FAM81A: variants seen among roughly 807,000 people sequenced by gnomAD.
FAM81A encodes the protein family with sequence similarity 81 member A.
FAM81A carries 19 observed loss-of-function variants against 46.7 expected under a neutral mutation model. The ratio of observed to expected loss-of-function variants is 0.41; its 90% CI spans 0.28 to 0.60. The LOEUF (loss-of-function observed/expected upper bound fraction) is 0.60, where lower values mean the gene tolerates loss of function less well. Ranked by LOEUF, FAM81A falls within the 20% of genes least tolerant of loss-of-function variation. FAM81A has a pLI of 0.34. For missense variants in FAM81A, 377 were observed against 453.5 expected (o/e 0.83, Z 1.53); for synonymous variants, 183 against 152.9 (o/e 1.20, Z -1.45).
chr15:59,418,869 A>G (rs1264029674), intron 2 of FAM81A, among the ~76,000 whole-genome samples: 2 of 152,192 alleles, frequency 1.3e-5, no homozygotes, highest in African/African-American at 4.8e-5. Flanking sequence ...TAGCAAGGGC[A>G]TGTGTGCAGA....
chr15:59,492,159 CT>C (rs2081988197), intron 3 of FAM81A, 111 bp from the exon 4 acceptor site: 1 of 733,238 alleles, frequency 1.4e-6, no homozygotes, highest in African/African-American at 1.8e-5. Context: ...GAAAAGGAGT[CT>C]CTTATGAAAG....
Position 59,446,136 on chromosome 15 carries a change from C to G in FAM81A, c.-78+7854C>G, listed in dbSNP as rs189638983. ...CGTGAAGAGGCGTCGTGTTAGGCTTCGTGGAGATTACAGGTTCATGTAGGA... is the reference window on the plus strand; with the variant it reads ...CGTGAAGAGGCGTCGTGTTAGGCTTGGTGGAGATTACAGGTTCATGTAGGA... On this transcript the variant is annotated intron_variant, in intron 1 of 8. Coordinates refer to ENST00000288228, the MANE Select transcript of FAM81A (RefSeq NM_152450.3). 2.6e-5 allele frequency among the ~76,000 whole-genome samples: 4 copies of G among 151,944 alleles called. No individual in the cohort carries two copies. In the East Asian group the frequency reaches 7.8e-4, roughly 30 times the overall value.
chr15:59,413,957 C>A (rs1049999094), intron 2 of FAM81A, among the ~76,000 whole-genome samples: 3 of 151,978 alleles, frequency 2.0e-5, no homozygotes, highest in Admixed American at 6.6e-5. Context: ...CATTCTAATT[C>A]TTTTTCTTTT....
intron 3 of FAM81A, among the ~76,000 whole-genome samples, chr15:59,487,690 C>G (rs2081934741): frequency 6.6e-6 from 1 of 152,030 alleles, no homozygotes. Context: ...ATACAACCTA[C>G]CACAATTGAA....
Position 59,448,432 on chromosome 15 carries a change from C to A in FAM81A, c.-77-10118C>A, listed in dbSNP as rs1315470322. On this transcript the variant is annotated intron_variant, in intron 1 of 8. Coordinates refer to ENST00000288228, the MANE Select transcript of FAM81A (RefSeq NM_152450.3). The stretch of plus-strand genomic sequence containing the variant: ...TCATGAGTCAAAATGTTTGCACCAT[C>A]TAAACTGTGGTGCCTTGGAGCAAAG... Among the ~76,000 whole-genome samples the A allele has an allele frequency of 2.6e-5, 4 of 152,252 alleles. No individual in the cohort carries two copies. In the South Asian group the frequency reaches 8.3e-4, roughly 32 times the overall value.
At chr15:59,477,136 A>C (rs978541875) in intron 3 of FAM81A, among the ~76,000 whole-genome samples, 2 of 152,000 alleles carry the variant, frequency 1.3e-5, no homozygotes, top group Admixed American at 6.6e-5. Context: ...AAAAAAAGCA[A>C]AAACAAACAG....
At chr15:59,435,445 C>T (rs1375785939), upstream of FAM81A, among the ~76,000 whole-genome samples, 2 of 151,982 alleles carry the variant, frequency 1.3e-5, no homozygotes, top group Non-Finnish European at 1.5e-5. Context: ...CATGGCAAAA[C>T]CCCCTCTCTA....
chr15:59,458,747 C>A, intron 2 of FAM81A, 101 bp downstream of exon 2: 4 of 1,172,958 alleles, frequency 3.4e-6, no homozygotes, highest in South Asian at 2.5e-5. Flanking sequence ...TGGTTTTGTT[C>A]AAGGGCAAGA....
chr15:59,406,001 A>T (rs139705489), intron 2 of FAM81A, among the ~76,000 whole-genome samples: 1 of 152,216 alleles, frequency 6.6e-6, no homozygotes, highest in East Asian at 1.9e-4. Context: ...AACAAATACT[A>T]TTCCTTTTAT....
At chr15:59,450,359 A>T (rs1373044283) in intron 1 of FAM81A, among the ~76,000 whole-genome samples, 1 of 152,068 alleles carries the variant, frequency 6.6e-6, no homozygotes, top group African/African-American at 2.4e-5. Context: ...AAAGAATGCT[A>T]CCTTAAGTAT....
chr15:59,476,269 CTGG>C (rs1303304077), intron 3 of FAM81A, among the ~76,000 whole-genome samples: 1 of 150,480 alleles, frequency 6.6e-6, no homozygotes, highest in African/African-American at 2.4e-5. Flanking sequence ...GTCATTCAGG[CTGG>C]AATGCAGTGG....
intron 3 of FAM81A, among the ~76,000 whole-genome samples, chr15:59,463,713 AG>A (rs1300505099): frequency 6.7e-6 from 1 of 149,478 alleles, no homozygotes; most frequent in African/African-American, 2.5e-5. Flanking sequence ...AATAATAAAA[AG>A]AAATAATGTA....
intron 1 of FAM81A, among the ~76,000 whole-genome samples, chr15:59,443,036 A>T (rs577476937): frequency 6.6e-6 from 1 of 152,256 alleles, no homozygotes; most frequent in African/African-American, 2.4e-5. Context: ...TCATCTATTG[A>T]CCTAATAATG....
chr15:59,428,931 C>T (rs1035408546), intron 2 of FAM81A, among the ~76,000 whole-genome samples: 1 of 152,102 alleles, frequency 6.6e-6, no homozygotes. Context: ...ACACCCTTCC[C>T]ATCTACTCCT....
At chr15:59,430,324 G>A (rs1043566483) in intron 2 of FAM81A, among the ~76,000 whole-genome samples, 12 of 135,212 alleles carry the variant, frequency 8.9e-5, no homozygotes, top group Admixed American at 2.5e-4. Flanking sequence ...GAGTGCAGTG[G>A]TACAATCTCA....
upstream of FAM81A, among the ~76,000 whole-genome samples, chr15:59,435,105 G>A (rs1596468836): frequency 1.3e-5 from 2 of 152,302 alleles, no homozygotes; most frequent in Admixed American, 6.5e-5. Flanking sequence ...TGGCCAACAT[G>A]ACAAGACCCC....
At chr15:59,432,597 T>C (rs2081225276) in intron 2 of FAM81A, among the ~76,000 whole-genome samples, 1 of 152,164 alleles carries the variant, frequency 6.6e-6, no homozygotes, top group Non-Finnish European at 1.5e-5. Context: ...AAATTCTAGC[T>C]CTAGAACTTA....
chr15:59,400,016 A>G (rs2081063470), intron 1 of FAM81A, among the ~76,000 whole-genome samples: 1 of 151,972 alleles, frequency 6.6e-6, no homozygotes, highest in Non-Finnish European at 1.5e-5. Flanking sequence ...TCCCCGTCCG[A>G]GTCTCTCTTC....
chr15:59,512,177 A>G (rs1596545407), intron 6 of FAM81A, among the ~76,000 whole-genome samples: 1 of 152,220 alleles, frequency 6.6e-6, no homozygotes, highest in East Asian at 1.9e-4. Flanking sequence ...TTTGTATAAA[A>G]TTTAAAAATA....
Sources: allele counts gnomAD v4.1 joint callset (sites outside exome capture counted in the v4.1 genomes callset), GRCh38; gene constraint gnomAD v4.1.1; transcripts MANE v1.5; gene names NCBI Gene and HGNC (gene_info 2026-07-23, HGNC 2026-07-21).